KLHL7: variants seen among roughly 807,000 people sequenced by gnomAD.
KLHL7 encodes the protein kelch-like protein 7.
A neutral mutation model predicts 67.4 loss-of-function variants in KLHL7; 44 were observed. The observed-to-expected ratio is 0.65, with a 90% CI of 0.51 to 0.84. KLHL7 has a LOEUF of 0.84. Among genes scored for constraint, KLHL7 ranks in the 40% least tolerant of loss-of-function variants. The pLI, the probability that KLHL7 is intolerant of heterozygous loss-of-function variation, is 0.00. For synonymous variants in KLHL7, 252 were observed against 243.3 expected (o/e 1.04, Z -0.33); for missense variants, 362 against 718.1 (o/e 0.50, Z 5.67).
At chr7:23,158,610 A>G (rs1261119935) in intron 7 of KLHL7, among the ~76,000 whole-genome samples, 1 of 152,232 alleles carries the variant, frequency 6.6e-6, no homozygotes, top group African/African-American at 2.4e-5. Flanking sequence ...TTGTAAAAGT[A>G]TGTTTAAATA....
intron 1 of KLHL7, chr7:23,118,020 A>G: frequency 6.3e-7 from 1 of 1,596,322 alleles, no homozygotes; most frequent in Non-Finnish European, 8.6e-7. Context: ...AACGTGGGGC[A>G]GTTGACTGCA....
chr7:23,118,090 A>C (rs1783173399), intron 1 of KLHL7: 1 of 1,139,660 alleles, frequency 8.8e-7, no homozygotes, highest in African/African-American at 1.5e-5. Context: ...GTGCTTTAGC[A>C]CTTACATGGA....
chr7:23,176,380 G>C lies in KLHL7; in HGVS notation c.*2082G>C, dbSNP rs1785295264. 6.6e-6 allele frequency: 1 copy of C among 152,128 alleles called. No individual in the cohort carries two copies. Among genetic ancestry groups the C allele is most frequent in the African/African-American group, 2.4e-5 (1 of 41,394 alleles). 9.4% of individuals were successfully genotyped at this position (152,128 alleles called of 1,614,324 possible). A position where few individuals can be genotyped will look rare whatever the true frequency, so the allele number is the denominator to read the frequency against. Reference sequence around the variant, plus strand: ...ATGGGCTTTTTCCCTGTGTGTCTCTGTATCTTCACATGGTGTTCTTATAAG... The same window carrying C: ...ATGGGCTTTTTCCCTGTGTGTCTCTCTATCTTCACATGGTGTTCTTATAAG... On this transcript the variant is annotated 3_prime_UTR_variant, in exon 11 of 11. Coordinates refer to ENST00000339077, the MANE Select transcript of KLHL7 (RefSeq NM_001031710.3).
At chr7:23,163,149 C>T (rs1454421590) in intron 7 of KLHL7, among the ~76,000 whole-genome samples, 1 of 152,038 alleles carries the variant, frequency 6.6e-6, no homozygotes, top group Non-Finnish European at 1.5e-5. Context: ...GAACTTATCA[C>T]TCCCAAGAAG....
At chr7:23,172,344 T>C (rs561987064) in intron 9 of KLHL7, among the ~76,000 whole-genome samples, 15 of 152,364 alleles carry the variant, frequency 9.8e-5, no homozygotes, top group Admixed American at 2.0e-4. Flanking sequence ...TATTAGTGGC[T>C]GTGAACAGAG....
At chr7:23,119,509 G>T (rs2128458811) in intron 1 of KLHL7, among the ~76,000 whole-genome samples, 1 of 152,200 alleles carries the variant, frequency 6.6e-6, no homozygotes, top group African/African-American at 2.4e-5. Context: ...CCCCAATATT[G>T]TCACATATTA....
chr7:23,147,020 AATT>A (rs1465916065), intron 6 of KLHL7, among the ~76,000 whole-genome samples: 2 of 147,564 alleles, frequency 1.4e-5, no homozygotes, highest in East Asian at 3.9e-4. Flanking sequence ...TAATTTTCTT[AATT>A]TATTTCAGAT....
intron 1 of KLHL7, among the ~76,000 whole-genome samples, chr7:23,121,256 A>C (rs1453219822): frequency 1.3e-5 from 2 of 151,760 alleles, no homozygotes; most frequent in African/African-American, 4.8e-5. Flanking sequence ...ACCTAGGTTG[A>C]CTCTATATCT....
chr7:23,155,951 G>T (rs781458891), intron 7 of KLHL7: 26 of 454,192 alleles, frequency 5.7e-5, no homozygotes, highest in South Asian at 3.5e-4. Context: ...TTTTTAGTCT[G>T]TAGTTCTAAT....
intron 4 of KLHL7, among the ~76,000 whole-genome samples, chr7:23,139,899 C>T (rs1784117645): frequency 6.6e-6 from 1 of 151,420 alleles, no homozygotes; most frequent in Admixed American, 6.6e-5. Context: ...CCCTTTTCTC[C>T]TCCTCTTTTT....
chr7:23,172,732 T>C (rs1785200821), intron 9 of KLHL7: 1 of 477,156 alleles, frequency 2.1e-6, no homozygotes, highest in Non-Finnish European at 3.8e-6. Flanking sequence ...CCTATCAGAA[T>C]TGAAAGGAAT....
Position 23,105,896 on chromosome 7 carries a change from C to G in KLHL7, c.-131C>G. The G allele has an allele frequency of 7.1e-7, 1 of 1,403,550 alleles. No individual in the cohort carries two copies. The highest frequency in any genetic ancestry group is 9.7e-7 in the Non-Finnish European group (1 of 1,029,528). 86.9% of individuals were successfully genotyped at this position (1,403,550 alleles called of 1,614,324 possible). The stretch of plus-strand genomic sequence containing the variant: ...GGCCGAGCCACCGCCGCCTGCCGCG[C>G]GTTCCAGAGCTGGGCGCTGCAGCTG... On this transcript the variant is annotated 5_prime_UTR_variant, in exon 1 of 11. Coordinates refer to ENST00000339077, the MANE Select transcript of KLHL7 (RefSeq NM_001031710.3).
At chr7:23,133,519 C>T (rs1783872634) in intron 4 of KLHL7, among the ~76,000 whole-genome samples, 1 of 152,134 alleles carries the variant, frequency 6.6e-6, no homozygotes, top group Non-Finnish European at 1.5e-5. Flanking sequence ...GCAGTCTCCA[C>T]CTCTTGGGTT....
intron 4 of KLHL7, 123 bp from the exon 5 acceptor site, chr7:23,140,644 CAG>C (rs1418638428): frequency 5.1e-6 from 4 of 788,158 alleles, no homozygotes; most frequent in South Asian, 2.9e-5. Flanking sequence ...ATCAATGAAA[CAG>C]AAACGGATCC....
intron 7 of KLHL7, among the ~76,000 whole-genome samples, chr7:23,157,660 T>C (rs2128468088): frequency 6.6e-6 from 1 of 152,332 alleles, no homozygotes; most frequent in Non-Finnish European, 1.5e-5. Flanking sequence ...GGTAGTTTTG[T>C]TCTAAAATCA....
At chr7:23,131,841 A>G (rs1232754124) in intron 4 of KLHL7, among the ~76,000 whole-genome samples, 1 of 150,794 alleles carries the variant, frequency 6.6e-6, no homozygotes, top group African/African-American at 2.4e-5. Flanking sequence ...AGATGAGTAG[A>G]TGTAGAAGAT....
At chr7:23,125,367 A>C in intron 4 of KLHL7, 195 bp downstream of exon 4, 2 of 592,784 alleles carry the variant, frequency 3.4e-6, no homozygotes, top group Non-Finnish European at 5.8e-6. Context: ...AAGCTTATTA[A>C]ATATTATATC....
rs904415569 is a variant in KLHL7, at chr7:23,177,478, C to G, written c.*3180C>G. 6.6e-6 allele frequency: 1 copy of G among 152,006 alleles called. No individual in the cohort carries two copies. Among genetic ancestry groups the G allele is most frequent in the African/African-American group, 2.4e-5 (1 of 41,382 alleles). 9.4% of individuals were successfully genotyped at this position (152,006 alleles called of 1,614,324 possible). The stretch of plus-strand genomic sequence containing the variant: ...CCTTAGTAATCTGTATCATAATTCC[C>G]AATTAGTGTCTTTTTCTGCCTTGGA... On this transcript the variant is annotated 3_prime_UTR_variant, in exon 11 of 11. Coordinates refer to ENST00000339077, the MANE Select transcript of KLHL7 (RefSeq NM_001031710.3).
chr7:23,108,581 C>T (rs1782742024), intron 1 of KLHL7, among the ~76,000 whole-genome samples: 1 of 152,200 alleles, frequency 6.6e-6, no homozygotes, highest in South Asian at 2.1e-4. Flanking sequence ...GTAGTAACAA[C>T]TATTCTAACT....
Sources: allele counts gnomAD v4.1 joint callset (sites outside exome capture counted in the v4.1 genomes callset), GRCh38; gene constraint gnomAD v4.1.1; transcripts MANE v1.5; gene names NCBI Gene and HGNC (gene_info 2026-07-23, HGNC 2026-07-21).